CD3E: variants seen among roughly 807,000 people sequenced by gnomAD.
The protein encoded by CD3E is CD3 epsilon subunit of T-cell receptor complex.
Under a neutral mutation model 34.7 loss-of-function variants are expected in CD3E, and 16 were observed. The observed-to-expected ratio is 0.46, with a 90% CI of 0.31 to 0.70. CD3E has a LOEUF of 0.70. Among genes scored for constraint, CD3E ranks in the 30% least tolerant of loss-of-function variants. The pLI, the probability that CD3E is intolerant of heterozygous loss-of-function variation, is 0.05. For synonymous variants in CD3E, 70 were observed against 90.8 expected (o/e 0.77, Z 1.30); for missense variants, 223 against 253.9 (o/e 0.88, Z 0.83).
chr11:118,304,870 T>A, intron 1 of CD3E, 24 bp from the exon 2 acceptor site: 1 of 1,183,360 alleles, frequency 8.5e-7, no homozygotes, highest in Non-Finnish European at 1.3e-6. Flanking sequence ...TTTGAAAAAG[T>A]CATCTGTTTT....
chr11:118,307,493 C>G (rs1338064795), intron 3 of CD3E, among the ~76,000 whole-genome samples, 185 bp downstream of exon 3: 1 of 152,118 alleles, frequency 6.6e-6, no homozygotes, highest in Non-Finnish European at 1.5e-5. Flanking sequence ...AAGAGGGAAG[C>G]AACAGAGGCA....
intron 4 of CD3E, among the ~76,000 whole-genome samples, chr11:118,310,804 A>G (rs2134764886): frequency 6.6e-6 from 1 of 152,350 alleles, no homozygotes; most frequent in Non-Finnish European, 1.5e-5. Flanking sequence ...TTGAAAAATT[A>G]TTTATAAATT....
intron 4 of CD3E, among the ~76,000 whole-genome samples, chr11:118,310,825 A>T (rs1403436015): frequency 6.6e-6 from 1 of 152,230 alleles, no homozygotes; most frequent in East Asian, 1.9e-4. Flanking sequence ...AAAATAATAT[A>T]AACTATCTAC....
At chr11:118,309,144 G>C (rs1346459339) in intron 4 of CD3E, among the ~76,000 whole-genome samples, 1 of 152,188 alleles carries the variant, frequency 6.6e-6, no homozygotes, top group Admixed American at 6.5e-5. Flanking sequence ...GGGTGTGTTT[G>C]AGTAATTTAC....
chr11:118,306,286 AG>A (rs1948104746), intron 2 of CD3E, among the ~76,000 whole-genome samples: 1 of 152,108 alleles, frequency 6.6e-6, no homozygotes, highest in South Asian at 2.1e-4. Flanking sequence ...ACTTGAGCTC[AG>A]GAGTTCAAGA....
chr11:118,311,431 C>T (rs1430995568), intron 4 of CD3E, among the ~76,000 whole-genome samples: 1 of 152,162 alleles, frequency 6.6e-6, no homozygotes, highest in Non-Finnish European at 1.5e-5. Flanking sequence ...CACTAATAGG[C>T]CTCCCTCTAA....
intron 4 of CD3E, 100 bp downstream of exon 4, chr11:118,308,541 T>G: frequency 1.2e-6 from 1 of 800,510 alleles, no homozygotes; most frequent in South Asian, 1.4e-5. Context: ...CTAAAACTAT[T>G]AAAGGGAAAA....
chr11:118,307,385 T>C, intron 3 of CD3E, 77 bp downstream of exon 3: 1 of 1,307,982 alleles, frequency 7.6e-7, no homozygotes, highest in South Asian at 1.2e-5. Flanking sequence ...AGCTTTCTCT[T>C]AGGCCTCCCA....
intron 2 of CD3E, among the ~76,000 whole-genome samples, chr11:118,306,664 G>A (rs1220830072): frequency 6.6e-6 from 1 of 152,086 alleles, no homozygotes; most frequent in Non-Finnish European, 1.5e-5. Flanking sequence ...GCCTAGGTGT[G>A]CAGAAAGCTT....
At chr11:118,305,138 G>A (rs1948098771) in intron 2 of CD3E, 137 bp downstream of exon 2, 5 of 891,088 alleles carry the variant, frequency 5.6e-6, no homozygotes, top group Non-Finnish European at 9.4e-6. Flanking sequence ...GTTAGGGTGA[G>A]GGATTAGAGC....
At position 118,315,925 on chromosome 11, in the gene CD3E, C is replaced by A. The variant is rs200729830; in HGVS notation, c.*383C>A. The A allele has an allele frequency of 1.5e-5, 5 of 335,724 alleles. No individual in the cohort carries two copies. The highest frequency in any genetic ancestry group is 2.3e-5 in the Non-Finnish European group (4 of 176,822). The allele number at this position is 335,724 out of a possible 1,614,324, so 20.8% of individuals were successfully genotyped here. Reference sequence around the variant, plus strand: ...AGTATTCCATCTACTTTTCTATCGCCGTCCCCTTTTGCAGCCCTCTCTGGG... The same window carrying A: ...AGTATTCCATCTACTTTTCTATCGCAGTCCCCTTTTGCAGCCCTCTCTGGG... On this transcript the variant is annotated 3_prime_UTR_variant, in exon 9 of 9. Coordinates refer to ENST00000361763, the MANE Select transcript of CD3E (RefSeq NM_000733.4).
rs747320277 is a variant in CD3E at position 118,312,602 on chromosome 11, C to T, written c.104-16C>T. On this transcript the variant is annotated splice_polypyrimidine_tract_variant and intron_variant, in intron 5 of 8. Coordinates refer to ENST00000361763, the MANE Select transcript of CD3E (RefSeq NM_000733.4). The stretch of plus-strand genomic sequence containing the variant: ...TGTCCTGGTTTCTTCTGCCAATTTC[C>T]CTTCTTTCTCCCCAGCATATAAAGT... 1.5e-5 allele frequency: 24 copies of T among 1,614,030 alleles called. No homozygotes were observed. Among genetic ancestry groups the T allele is most frequent in the Non-Finnish European group, 2.0e-5 (24 of 1,180,040 alleles).
chr11:118,313,121 C>G (rs941220740), intron 6 of CD3E: 27 of 526,064 alleles, frequency 5.1e-5, no homozygotes, highest in Non-Finnish European at 7.9e-5. Flanking sequence ...AGAGACAGGA[C>G]TGGGTCATTT....
In CD3E at chr11:118,315,643, C is replaced by T. The variant is rs982444878; in HGVS notation, c.*101C>T. The T allele has an allele frequency of 7.6e-6, 8 of 1,047,920 alleles. No individual in the cohort carries two copies. In the East Asian group the frequency reaches 7.7e-5, roughly 10 times the overall value. 64.9% of individuals were successfully genotyped at this position (1,047,920 alleles called of 1,614,324 possible). ...AGTCTTGGACCCCACGAGAGAGAAT[C>T]GTTCCTCAGCCTCATGGTGAACTCG... On this transcript the variant is annotated 3_prime_UTR_variant, in exon 9 of 9. Transcript: ENST00000361763.
intron 4 of CD3E, among the ~76,000 whole-genome samples, chr11:118,310,993 A>G (rs923143860): frequency 3.3e-5 from 5 of 152,310 alleles, no homozygotes; most frequent in Admixed American, 2.6e-4. Context: ...GAAAGGAGGA[A>G]AGGAAGTAAC....
In CD3E at chr11:118,308,454, C is replaced by T. The variant is rs1232324036; in HGVS notation, c.85+13C>T. ...AATGAAGAAATGGGTAAGAAGATTTCCACTCTATCTAGCAAAAGTTTTCAA... is the reference window on the plus strand; with the variant it reads ...AATGAAGAAATGGGTAAGAAGATTTTCACTCTATCTAGCAAAAGTTTTCAA... On this transcript the variant is annotated intron_variant, in intron 4 of 8. Transcript: ENST00000361763. The T allele has an allele frequency of 1.3e-6, 2 of 1,567,186 alleles. No individual in the cohort carries two copies. Among genetic ancestry groups the T allele is most frequent in the Non-Finnish European group, 1.8e-6 (2 of 1,139,852 alleles).
rs200332418 is a variant in CD3E at position 118,315,686 on chromosome 11, C to T, written c.*144C>T. Reference sequence around the variant, plus strand: ...TGAACTCGCGCCCTCCAGCCTGATCCCCCGCTCCCTCCTCCCTGCCTTCTC... The same window carrying T: ...TGAACTCGCGCCCTCCAGCCTGATCTCCCGCTCCCTCCTCCCTGCCTTCTC... On this transcript the variant is annotated 3_prime_UTR_variant, in exon 9 of 9. Coordinates refer to ENST00000361763, the MANE Select transcript of CD3E (RefSeq NM_000733.4). 1.4e-6 allele frequency: 1 copy of T among 723,680 alleles called. No homozygotes were observed. The highest frequency in any genetic ancestry group is 2.5e-6 in the Non-Finnish European group (1 of 406,938). 44.8% of individuals were successfully genotyped at this position (723,680 alleles called of 1,614,324 possible). A position where few individuals can be genotyped will look rare whatever the true frequency, so the allele number is the denominator to read the frequency against.
At chr11:118,309,745 T>C (rs1226001851) in intron 4 of CD3E, among the ~76,000 whole-genome samples, 1 of 152,218 alleles carries the variant, frequency 6.6e-6, no homozygotes, top group Non-Finnish European at 1.5e-5. Context: ...ACACCCCTAC[T>C]GTACAGTTAA....
At position 118,315,888 on chromosome 11, in the gene CD3E, C is replaced by A; in HGVS notation, c.*346C>A. The A allele has an allele frequency of 7.0e-6, 3 of 426,624 alleles. No homozygotes were observed. In the South Asian group the frequency reaches 7.6e-5, roughly 11 times the overall value. The allele number at this position is 426,624 out of a possible 1,614,324, so 26.4% of individuals were successfully genotyped here. On this transcript the variant is annotated 3_prime_UTR_variant, in exon 9 of 9. Transcript: ENST00000361763. ...CCTCCTTTTCTTGCATGTAAGTTGT[C>A]CCCCATCCCAAAGTATTCCATCTAC... is the stretch of plus-strand genomic sequence containing the variant.
Sources: gnomAD v4.1 joint callset for allele counts (sites outside exome capture counted in the v4.1 genomes callset) on GRCh38, gnomAD v4.1.1 for gene constraint, MANE v1.5 for transcripts, NCBI Gene and HGNC (gene_info 2026-07-23, HGNC 2026-07-21) for gene names.